Variants in SHISA9 observed in about 807,000 individuals in gnomAD.
SHISA9 encodes shisa family member 9.
A neutral mutation model predicts 38.0 loss-of-function variants in SHISA9; 13 were observed. That is an observed-to-expected ratio of 0.34 (90% CI 0.22 to 0.54). SHISA9 has a LOEUF of 0.54. SHISA9 is among the 20% of genes least tolerant of loss of function. The pLI, the probability that SHISA9 is intolerant of heterozygous loss-of-function variation, is 0.91. For missense variants in SHISA9, 538 were observed against 575.8 expected (o/e 0.93, Z 0.67); for synonymous variants, 275 against 242.0 (o/e 1.14, Z -1.27).
chr16:13,368,288 A>G, the SHISA9 span, among the ~76,000 whole-genome samples: 7 of 152,074 alleles, frequency 4.6e-5, no homozygotes, highest in Non-Finnish European at 8.8e-5. Context: ...GAAAAGGGGG[A>G]TTTCAAGGAA....
chr16:13,279,219 T>G, the SHISA9 span, among the ~76,000 whole-genome samples: 1 of 152,038 alleles, frequency 6.6e-6, no homozygotes, highest in Non-Finnish European at 1.5e-5. Flanking sequence ...CTTTTTGAGT[T>G]GATTTCCAGT....
chr16:13,049,583 G>A (rs2073227500), intron 2 of SHISA9, among the ~76,000 whole-genome samples: 1 of 152,130 alleles, frequency 6.6e-6, no homozygotes, highest in Non-Finnish European at 1.5e-5. Flanking sequence ...GGCTGCATGT[G>A]TTGTAACAAA....
chr16:12,929,857 T>G (rs2071440942), intron 2 of SHISA9, among the ~76,000 whole-genome samples: 1 of 152,072 alleles, frequency 6.6e-6, no homozygotes, highest in South Asian at 2.1e-4. Context: ...CTTCAGGGGT[T>G]TTACATACGC....
chr16:13,358,154 C>G, the SHISA9 span, among the ~76,000 whole-genome samples: 8 of 151,980 alleles, frequency 5.3e-5, no homozygotes, highest in East Asian at 1.5e-3. Flanking sequence ...AGCAATTGGC[C>G]CTCACTACTA....
the SHISA9 span, among the ~76,000 whole-genome samples, chr16:13,485,545 G>C: frequency 1.3e-5 from 2 of 152,022 alleles, no homozygotes; most frequent in Non-Finnish European, 2.9e-5. Flanking sequence ...TATATTTTGA[G>C]GGTACTTGTG....
chr16:13,212,475 C>T (rs2051130116), intron 3 of SHISA9, among the ~76,000 whole-genome samples: 1 of 152,116 alleles, frequency 6.6e-6, no homozygotes. Flanking sequence ...TCCCAGGGCT[C>T]ATTCGGGACA....
At chr16:13,483,775 A>T in the SHISA9 span, among the ~76,000 whole-genome samples, 7 of 152,282 alleles carry the variant, frequency 4.6e-5, no homozygotes, top group East Asian at 1.3e-3. Context: ...TCTTCTGGAT[A>T]ACTGAACATG....
chr16:12,907,121 CTTTCTTCT>C (rs1227587593), intron 1 of SHISA9, among the ~76,000 whole-genome samples: 2 of 94,748 alleles, frequency 2.1e-5, no homozygotes, highest in Non-Finnish European at 4.8e-5. Flanking sequence ...TCCTCTCTTC[CTTTCTTCT>C]TTTCTTCCTT....
chr16:13,323,353 C>T, the SHISA9 span, among the ~76,000 whole-genome samples: 22 of 152,094 alleles, frequency 1.4e-4, no homozygotes, highest in Non-Finnish European at 2.9e-5. Context: ...ATTTTATCTC[C>T]CATGTCTTTT....
chr16:13,089,617 A>G (rs1006894451), intron 2 of SHISA9, among the ~76,000 whole-genome samples: 43 of 152,172 alleles, frequency 2.8e-4, no homozygotes, highest in Admixed American at 1.3e-3. Context: ...CTCTGATGGT[A>G]GTTTGTATTT....
chr16:13,322,726 T>G, the SHISA9 span, among the ~76,000 whole-genome samples: 1 of 152,150 alleles, frequency 6.6e-6, no homozygotes, highest in African/African-American at 2.4e-5. Context: ...TGCAAAGTTG[T>G]GTTTAGAGAA....
Position 12,916,684 on chromosome 16 carries a change from T to C in SHISA9, c.564-4T>C. 6.5e-7 allele frequency: 1 copy of C among 1,549,424 alleles called. No homozygotes were observed. Among genetic ancestry groups the C allele is most frequent in the South Asian group, 1.2e-5 (1 of 83,592 alleles). On this transcript the variant is annotated splice_region_variant and splice_polypyrimidine_tract_variant and intron_variant, in intron 1 of 4. Coordinates refer to ENST00000558583, the MANE Select transcript of SHISA9 (RefSeq NM_001145204.3). ...GAACAGATTTAAATTCTTTCTTCTTTCAGGGCCCTTGCGGATGTCATGAGA... is the reference window on the plus strand; with the variant it reads ...GAACAGATTTAAATTCTTTCTTCTTCCAGGGCCCTTGCGGATGTCATGAGA...
At chr16:13,293,325 A>G in the SHISA9 span, among the ~76,000 whole-genome samples, 1 of 152,144 alleles carries the variant, frequency 6.6e-6, no homozygotes, top group Admixed American at 6.6e-5. Context: ...TTTGAACTCC[A>G]TGTTCTTTGC....
At chr16:13,255,450 G>A in the SHISA9 span, among the ~76,000 whole-genome samples, 1 of 152,066 alleles carries the variant, frequency 6.6e-6, no homozygotes, top group African/African-American at 2.4e-5. Flanking sequence ...ACATACAAAG[G>A]ATTCATTCTA....
intron 2 of SHISA9, among the ~76,000 whole-genome samples, chr16:13,016,016 C>T (rs542397521): frequency 1.5e-5 from 2 of 129,422 alleles, no homozygotes; most frequent in East Asian, 2.3e-4. Context: ...GAGACAGAAT[C>T]TCACTCTTTT....
the SHISA9 span, among the ~76,000 whole-genome samples, chr16:13,527,967 C>G: frequency 3.3e-5 from 5 of 152,268 alleles, 1 homozygote; most frequent in South Asian, 6.2e-4. Context: ...AACTCTCACT[C>G]AATAGACTGT....
intron 2 of SHISA9, among the ~76,000 whole-genome samples, chr16:13,001,277 C>T (rs1480570026): frequency 6.6e-6 from 1 of 152,186 alleles, no homozygotes; most frequent in East Asian, 1.9e-4. Flanking sequence ...GTGGCACAGA[C>T]TCCAGATCGC....
chr16:13,446,327 T>G, the SHISA9 span, among the ~76,000 whole-genome samples: 1 of 152,168 alleles, frequency 6.6e-6, no homozygotes, highest in Non-Finnish European at 1.5e-5. Flanking sequence ...TTCAATATAA[T>G]GAAAAACATT....
chr16:13,177,672 G>GTTTT, intron 2 of SHISA9, among the ~76,000 whole-genome samples: 1 of 151,838 alleles, frequency 6.6e-6, no homozygotes, highest in Admixed American at 6.6e-5. Flanking sequence ...TTGTTTGTTT[G>GTTTT]TTTGTTTGTT....
Sources: gnomAD v4.1 joint callset for allele counts (sites outside exome capture counted in the v4.1 genomes callset) on GRCh38, gnomAD v4.1.1 for gene constraint, MANE v1.5 for transcripts, NCBI Gene and HGNC (gene_info 2026-07-23, HGNC 2026-07-21) for gene names.